HMMR: variants seen among roughly 807,000 people sequenced by gnomAD.
The protein encoded by HMMR is hyaluronan mediated motility receptor, also known as intracellular hyaluronic acid-binding protein.
Under a neutral mutation model 101.0 loss-of-function variants are expected in HMMR, and 108 were observed. The ratio of observed to expected loss-of-function variants is 1.07; its 90% confidence interval spans 0.92 to 1.25. The LOEUF (loss-of-function observed/expected upper bound fraction) is 1.25, where lower values mean the gene tolerates loss of function less well. Among genes scored for constraint, HMMR ranks in the 50% most tolerant of loss-of-function variants. HMMR has a pLI of 0.00. For missense variants in HMMR, 813 were observed against 788.7 expected (o/e 1.03, Z -0.37); for synonymous variants, 296 against 276.4 (o/e 1.07, Z -0.70).
chr5:163,465,362 A>G (rs1758663642), intron 3 of HMMR, among the ~76,000 whole-genome samples: 1 of 151,868 alleles, frequency 6.6e-6, no homozygotes, highest in African/African-American at 2.4e-5. Flanking sequence ...GAGATGGAGT[A>G]TCACTCTGTC....
rs1759150205 is a variant in HMMR at position 163,478,673 on chromosome 5, CT to C, written c.1269-6del. 1 of 1,536,734 alleles carries C rather than the reference CT, an allele frequency of 6.5e-7. No individual in the cohort carries two copies. Among genetic ancestry groups the C allele is most frequent in the Non-Finnish European group, 9.0e-7 (1 of 1,110,516 alleles). ...GTGGCATTTTATCTTTCAATTATTTCTTTTTCTTAGGAAGGAGGCTGAACTG... is the reference window on the plus strand; with the variant it reads ...GTGGCATTTTATCTTTCAATTATTTCTTTTCTTAGGAAGGAGGCTGAACTG... On this transcript the variant is annotated splice_polypyrimidine_tract_variant and intron_variant, in intron 11 of 17. Transcript: ENST00000393915.
intron 13 of HMMR, 70 bp from the exon 14 acceptor site, chr5:163,482,950 G>GA (rs917389735): frequency 1.2e-3 from 1,050 of 887,458 alleles, no homozygotes; most frequent in Middle Eastern, 1.9e-3. Context: ...GAGGTTTAAA[G>GA]AAAAAAAAAG....
chr5:163,478,665 A>C lies in HMMR; in HGVS notation c.1269-19A>C. 6.9e-7 allele frequency: 1 copy of C among 1,449,734 alleles called. No individual in the cohort carries two copies. Among genetic ancestry groups the C allele is most frequent in the Non-Finnish European group, 9.7e-7 (1 of 1,030,922 alleles). The allele number at this position is 1,449,734 out of a possible 1,614,324, so 89.8% of individuals were successfully genotyped here. ...AATTGTAGGTGGCATTTTATCTTTC[A>C]ATTATTTCTTTTTCTTAGGAAGGAG... On this transcript the variant is annotated intron_variant, in intron 11 of 17. Coordinates refer to ENST00000393915, the MANE Select transcript of HMMR (RefSeq NM_001142556.2).
chr5:163,469,040 ATAAC>A (rs1254166352), intron 4 of HMMR, among the ~76,000 whole-genome samples: 8 of 152,304 alleles, frequency 5.3e-5, no homozygotes, highest in Non-Finnish European at 1.2e-4. Context: ...GCTAGAGAAA[ATAAC>A]TATTATAGGT....
At chr5:163,483,416 T>C (rs1171589265) in intron 15 of HMMR, 49 bp downstream of exon 15, 1 of 1,023,992 alleles carries the variant, frequency 9.8e-7, no homozygotes. Flanking sequence ...AGGGACTCAC[T>C]TTGTTCCCTA....
chr5:163,483,921 A>T (rs299311), intron 15 of HMMR, 148 bp from the exon 16 acceptor site: 4 of 510,626 alleles, frequency 7.8e-6, no homozygotes, highest in Admixed American at 8.2e-5. Context: ...AAAGATTCTC[A>T]TAGAGAATCT....
At chr5:163,473,149 A>C (rs912439279) in intron 7 of HMMR, 30 bp from the exon 8 acceptor site, 5 of 1,113,042 alleles carry the variant, frequency 4.5e-6, no homozygotes, top group Middle Eastern at 2.8e-4. Flanking sequence ...CGAAACTAGA[A>C]TGTATTAACA....
intron 15 of HMMR, among the ~76,000 whole-genome samples, chr5:163,483,758 A>G (rs999098595): frequency 3.9e-5 from 6 of 152,156 alleles, no homozygotes; most frequent in Non-Finnish European, 8.8e-5. Context: ...TTTAAAAGAA[A>G]AAAGAATAAA....
intron 15 of HMMR, among the ~76,000 whole-genome samples, chr5:163,483,788 A>G (rs1042246539): frequency 6.6e-6 from 1 of 152,136 alleles, no homozygotes; most frequent in Non-Finnish European, 1.5e-5. Flanking sequence ...TGGAACTTAG[A>G]AGTACAGTAT....
rs748022173 is a variant in HMMR at position 163,464,733 on chromosome 5, A to G, written c.156A>G (p.Gln52=). 2 of 1,610,152 alleles carry G rather than the reference A, an allele frequency of 1.2e-6. No individual in the cohort carries two copies. The highest frequency in any genetic ancestry group is 1.7e-6 in the Non-Finnish European group (2 of 1,176,796). ...QRFKQQKESK[Q]NLNVDKDTTL... ...TTCATTTTTCCGCAGAATCTAAACA[A>G]AATCTTAATGTTGACAAAGATACTA... Residue 52 remains glutamine, a synonymous_variant, in exon 3 of 18, where the codon CAA becomes CAG. Coordinates refer to ENST00000393915, the MANE Select transcript of HMMR (RefSeq NM_001142556.2).
chr5:163,466,792 A>G (rs1025512625), intron 3 of HMMR, among the ~76,000 whole-genome samples: 22 of 152,214 alleles, frequency 1.4e-4, no homozygotes, highest in Admixed American at 6.5e-4. Flanking sequence ...AAAATATATT[A>G]AGATTTTTAC....
At chr5:163,488,619 T>C (rs1759567815) in intron 16 of HMMR, among the ~76,000 whole-genome samples, 1 of 152,186 alleles carries the variant, frequency 6.6e-6, no homozygotes, top group Non-Finnish European at 1.5e-5. Flanking sequence ...CAGTTTTAGG[T>C]GTGCCCACAA....
chr5:163,485,124 TTC>T (rs1276263193), intron 16 of HMMR, among the ~76,000 whole-genome samples: 4 of 152,200 alleles, frequency 2.6e-5, no homozygotes. Context: ...GACATATTAT[TTC>T]CCTGGGAAAT....
At chr5:163,473,702 G>T in intron 9 of HMMR, 145 bp downstream of exon 9, 1 of 545,700 alleles carries the variant, frequency 1.8e-6, no homozygotes. Flanking sequence ...CTATACAACA[G>T]CAAAAACCTG....
chr5:163,489,006 A>G (rs997907534), intron 16 of HMMR, among the ~76,000 whole-genome samples: 2 of 152,118 alleles, frequency 1.3e-5, no homozygotes, highest in Admixed American at 1.3e-4. Context: ...AGTTTTGTGG[A>G]AGGCAGTTTT....
Position 163,474,099 on chromosome 5 carries a change from A to G in HMMR, c.947A>G (p.Asn316Ser), listed in dbSNP as rs758964372. ...AATAGAGAACACAACGAAAATCTAAATGCAGAGATGCAAAACTTAAAACAG... is the reference window on the plus strand; with the variant it reads ...AATAGAGAACACAACGAAAATCTAAGTGCAGAGATGCAAAACTTAAAACAG... The part of the protein sequence containing the change: ...NRNREHNENL[N>S]AEMQNLKQKF... Residue 316 changes from asparagine (N) to serine (S), a missense_variant, in exon 10 of 18, where the codon AAT becomes AGT. Coordinates refer to ENST00000393915, the MANE Select transcript of HMMR (RefSeq NM_001142556.2). 15 of 1,611,636 alleles carry G rather than the reference A, an allele frequency of 9.3e-6. No individual in the cohort carries two copies. The South Asian group carries it at 1.5e-4, about 17-fold the overall frequency.
In HMMR at chr5:163,491,644, T is replaced by C. The variant is rs1184945483; in HGVS notation, c.*480T>C. On this transcript the variant is annotated 3_prime_UTR_variant, in exon 18 of 18. Transcript: ENST00000393915. ...CTACTTGTCCAGTTCAAATAAGAAA[T>C]AAGGACAAGCCTAACTTCATAGAAA... The C allele has an allele frequency of 6.6e-6, 1 of 152,282 alleles. No homozygotes were observed. Among genetic ancestry groups the C allele is most frequent in the African/African-American group, 2.4e-5 (1 of 41,448 alleles). 9.4% of individuals were successfully genotyped at this position (152,282 alleles called of 1,614,324 possible).
At position 163,474,167 on chromosome 5, in the gene HMMR, A is replaced by G; in HGVS notation, c.1015A>G (p.Lys339Glu). 6.2e-7 allele frequency: 1 copy of G among 1,609,022 alleles called. No homozygotes were observed. Among genetic ancestry groups the G allele is most frequent in the South Asian group, 1.1e-5 (1 of 89,854 alleles). Residue 339 changes from lysine to glutamate, a missense_variant, in exon 10 of 18, where the codon AAA becomes GAA. Lys to Glu is a moderately conservative substitution (Grantham distance 56, BLOSUM62 1). Coordinates refer to ENST00000393915, the MANE Select transcript of HMMR (RefSeq NM_001142556.2). ...EQQEREKLQQ[K>E]ELQIDSLLQQ... ...ACAGGAACGTGAAAAGCTTCAACAA[A>G]AAGAATTACAAATTGATTCACTTCT...
chr5:163,484,307 T>C (rs1759391157), intron 16 of HMMR, 62 bp downstream of exon 16: 1 of 784,670 alleles, frequency 1.3e-6, no homozygotes, highest in Non-Finnish European at 2.0e-6. Context: ...CTAACTATAA[T>C]ACTTAAATAA....
Sources: allele counts gnomAD v4.1 joint callset (sites outside exome capture counted in the v4.1 genomes callset), GRCh38; gene constraint gnomAD v4.1.1; transcripts MANE v1.5; gene names NCBI Gene and HGNC (gene_info 2026-07-23, HGNC 2026-07-21).